The following SBF2 variants were observed in gnomAD, a reference collection of about 807,000 sequenced individuals.
SBF2 encodes the protein SET binding factor 2.
SBF2 carries 112 observed loss-of-function variants against 225.2 expected under a neutral mutation model. That is an observed-to-expected ratio of 0.50 (90% CI 0.43 to 0.58). SBF2 has a LOEUF of 0.58. Ranked by LOEUF, SBF2 falls within the 20% of genes least tolerant of loss-of-function variation. The pLI is 0.00. For missense variants in SBF2, 1,996 were observed against 2,206.2 expected (o/e 0.90, Z 1.91); for synonymous variants, 763 against 773.3 (o/e 0.99, Z 0.22).
At chr11:9,876,000 C>T (rs1187065506) in intron 17 of SBF2, among the ~76,000 whole-genome samples, 2 of 150,568 alleles carry the variant, frequency 1.3e-5, no homozygotes, top group African/African-American at 2.5e-5. Flanking sequence ...CCAAGATAAA[C>T]GGAAGAAAAG....
intron 13 of SBF2, among the ~76,000 whole-genome samples, chr11:9,983,739 G>T (rs751913732): frequency 6.6e-6 from 1 of 152,158 alleles, no homozygotes; most frequent in Non-Finnish European, 1.5e-5. Context: ...ACCCATAGAC[G>T]GTTCACATCA....
At chr11:10,109,855 C>T (rs1035468717) in intron 2 of SBF2, among the ~76,000 whole-genome samples, 1 of 152,148 alleles carries the variant, frequency 6.6e-6, no homozygotes, top group Non-Finnish European at 1.5e-5. Flanking sequence ...TTTTCACATA[C>T]CTTGATTATA....
intron 26 of SBF2, among the ~76,000 whole-genome samples, chr11:9,833,614 G>A (rs191728338): frequency 6.6e-6 from 1 of 151,722 alleles, no homozygotes; most frequent in Non-Finnish European, 1.5e-5. Context: ...TAGAGACGGG[G>A]TTTCACCGTG....
chr11:9,842,715 C>A lies in SBF2; in HGVS notation c.3166G>T (p.Gly1056Trp). ...GAKRAGKMTI[G>W]RQYLLKKKTG... ...TTCTTCTTCAGTAAATATTGCCGCC[C>A]AATTGTCATTTTCCCTGCCCTTTTG... is the stretch of plus-strand genomic sequence containing the variant. The change falls in exon 25 of 40, where the codon GGG becomes TGG. Residue 1056 changes from glycine (G) to tryptophan (W), a missense_variant. By Grantham distance (184) the Gly-to-Trp change is radical (BLOSUM62 -2). Coordinates refer to ENST00000256190, the MANE Select transcript of SBF2 (RefSeq NM_030962.4). 1 of 1,614,106 alleles carries A rather than the reference C, an allele frequency of 6.2e-7. No homozygotes were observed. The highest frequency in any genetic ancestry group is 8.5e-7 in the Non-Finnish European group (1 of 1,179,992).
chr11:9,786,719 C>G (rs1211460466), intron 36 of SBF2, among the ~76,000 whole-genome samples: 1 of 152,080 alleles, frequency 6.6e-6, no homozygotes, highest in Non-Finnish European at 1.5e-5. Context: ...TGTGCCTGTT[C>G]CTTGTGTAGG....
intron 28 of SBF2, 43 bp downstream of exon 28, chr11:9,829,313 T>TTC: frequency 6.2e-7 from 1 of 1,602,928 alleles, no homozygotes; most frequent in Non-Finnish European, 8.5e-7. Context: ...GAACTGACCT[T>TTC]TCATTAGAAG....
upstream of SBF2, among the ~76,000 whole-genome samples, chr11:10,298,575 G>C (rs1964569017): frequency 6.6e-6 from 1 of 152,210 alleles, no homozygotes; most frequent in Non-Finnish European, 1.5e-5. Flanking sequence ...AGTCAGACTT[G>C]AGCAAACATC....
At position 9,942,117 on chromosome 11, in the gene SBF2, G is replaced by T. The variant is rs143351590; in HGVS notation, c.1860+19840C>A. 1.3e-3 allele frequency among the ~76,000 whole-genome samples: 205 copies of T among 152,294 alleles called. 1 individual carries two copies. The highest frequency in any genetic ancestry group is 4.8e-3 in the African/African-American group (199 of 41,582). ...GGCAGGGTCTCGTACTGTCACCTGG[G>T]CTGGAGTGCGGTGGCACAATCACGG... On this transcript the variant is annotated intron_variant, in intron 16 of 39. Transcript: ENST00000256190.
At chr11:10,185,795 C>T (rs1956912965) in intron 2 of SBF2, among the ~76,000 whole-genome samples, 1 of 152,048 alleles carries the variant, frequency 6.6e-6, no homozygotes, top group Non-Finnish European at 1.5e-5. Context: ...TGTGGTACCG[C>T]TAATTCAACG....
At chr11:10,007,802 C>A (rs1948262182) in intron 6 of SBF2, among the ~76,000 whole-genome samples, 1 of 152,196 alleles carries the variant, frequency 6.6e-6, no homozygotes, top group Non-Finnish European at 1.5e-5. Context: ...TTAGGTCACG[C>A]CCCCTTCAAG....
At chr11:9,910,271 G>T (rs9919621) in intron 16 of SBF2, among the ~76,000 whole-genome samples, 133,460 of 152,194 alleles carry the variant, frequency 0.88, 58,892 homozygotes, top group African/African-American at 0.94. Flanking sequence ...ATCCAAGAGA[G>T]CACAGTGTAA....
chr11:10,294,244 G>T, upstream of SBF2: 1 of 439,556 alleles, frequency 2.3e-6, no homozygotes, highest in Non-Finnish European at 3.7e-6. Flanking sequence ...CCTAGTGCCC[G>T]CTCCTCCCCC....
At chr11:10,241,991 C>A (rs1249870568) in intron 1 of SBF2, among the ~76,000 whole-genome samples, 1 of 151,534 alleles carries the variant, frequency 6.6e-6, no homozygotes, top group East Asian at 2.0e-4. Context: ...CTACTCCCTG[C>A]AGACCCACTT....
Position 9,779,624 on chromosome 11 carries a change from G to A in SBF2, c.*794C>T, listed in dbSNP as rs895559841. 3.9e-5 allele frequency: 6 copies of A among 152,938 alleles called. No individual in the cohort carries two copies. Among genetic ancestry groups the A allele is most frequent in the African/African-American group, 2.4e-5 (1 of 41,438 alleles). 9.5% of individuals were successfully genotyped at this position (152,938 alleles called of 1,614,324 possible). Reference sequence around the variant, plus strand: ...TTCAGTGCAAGTGTTTGTTTTGTGAGTTAGTGCATTCAGCTTTTTTTGCAT... The same window carrying A: ...TTCAGTGCAAGTGTTTGTTTTGTGAATTAGTGCATTCAGCTTTTTTTGCAT... On this transcript the variant is annotated 3_prime_UTR_variant, in exon 40 of 40. Transcript: ENST00000256190.
At chr11:10,106,623 C>T (rs1197405250) in intron 2 of SBF2, among the ~76,000 whole-genome samples, 2 of 129,054 alleles carry the variant, frequency 1.5e-5, no homozygotes, top group African/African-American at 5.8e-5. Context: ...AGCAAGACTC[C>T]GACTCAATTA....
At position 9,798,017 on chromosome 11, in the gene SBF2, TGAG is replaced by T. The variant is rs539591600; in HGVS notation, c.4444-2063_4444-2061del. Among the ~76,000 whole-genome samples, 953 of 150,822 alleles carry T rather than the reference TGAG, an allele frequency of 6.3e-3. 4 individuals carry two copies. The highest frequency in any genetic ancestry group is 8.4e-3 in the Non-Finnish European group (568 of 68,004). ...ATGAATAAATGATAAAGGCTCAACT[TGAG>T]GAGTTTATAATTATAATAAAACAAG... On this transcript the variant is annotated intron_variant, in intron 32 of 39. Transcript: ENST00000256190.
At chr11:10,079,979 G>A (rs1243521431) in intron 2 of SBF2, among the ~76,000 whole-genome samples, 1 of 138,770 alleles carries the variant, frequency 7.2e-6, no homozygotes, top group Non-Finnish European at 1.6e-5. Flanking sequence ...CAGGCACGAT[G>A]GCTCATGCCT....
rs34533325 is a variant in SBF2 at position 9,952,108 on chromosome 11, G to A, written c.1860+9849C>T. 1.4e-3 allele frequency among the ~76,000 whole-genome samples: 216 copies of A among 152,344 alleles called. 1 individual carries two copies. Among genetic ancestry groups the A allele is most frequent in the Non-Finnish European group, 1.2e-3 (80 of 68,034 alleles). ...AAGGCAGGCTGCCAGAGTCCTGGAA[G>A]CTAAAGGGGGAAAGCCCACTGGCAT... is the stretch of plus-strand genomic sequence containing the variant. On this transcript the variant is annotated intron_variant, in intron 16 of 39. Coordinates refer to ENST00000256190, the MANE Select transcript of SBF2 (RefSeq NM_030962.4).
intron 2 of SBF2, among the ~76,000 whole-genome samples, chr11:10,123,770 T>C (rs1451052646): frequency 6.6e-6 from 1 of 152,152 alleles, no homozygotes; most frequent in Admixed American, 6.5e-5. Flanking sequence ...GGTATAAACA[T>C]ACACATGTAA....
Sources: gnomAD v4.1 joint callset for allele counts (sites outside exome capture counted in the v4.1 genomes callset) on GRCh38, gnomAD v4.1.1 for gene constraint, MANE v1.5 for transcripts, NCBI Gene and HGNC (gene_info 2026-07-23, HGNC 2026-07-21) for gene names.